Variants in SEL1L3 observed in about 807,000 individuals in gnomAD.
The protein encoded by SEL1L3 is protein sel-1 homolog 3.
SEL1L3 carries 76 observed loss-of-function variants against 142.8 expected under a neutral mutation model. The observed-to-expected ratio is 0.53, with a 90% CI of 0.44 to 0.64. The LOEUF (loss-of-function observed/expected upper bound fraction) is 0.64. Among genes scored for constraint, SEL1L3 ranks in the 30% least tolerant of loss-of-function variants. The pLI, the probability that SEL1L3 is intolerant of heterozygous loss-of-function variation, is 0.00. For synonymous variants in SEL1L3, 504 were observed against 519.6 expected (o/e 0.97, Z 0.41); for missense variants, 1,262 against 1,381.7 (o/e 0.91, Z 1.37).
chr4:25,789,309 G>C (rs920098599), intron 12 of SEL1L3, among the ~76,000 whole-genome samples: 2 of 152,164 alleles, frequency 1.3e-5, no homozygotes, highest in Non-Finnish European at 2.9e-5. Context: ...TCTTGGGCCA[G>C]GTGTGGTGGG....
rs117159511 is a variant in SEL1L3 at position 25,842,019 on chromosome 4, C to G, written c.733+5275G>C. ...CACTTTGACAGTGCCTGGCACATAG[C>G]AAATGTTCAGTAGCAGTAAGTGACT... On this transcript the variant is annotated intron_variant, in intron 2 of 23. Transcript: ENST00000399878. Among the ~76,000 whole-genome samples the G allele has an allele frequency of 2.3e-4, 35 of 152,202 alleles. No homozygotes were observed. In the East Asian group the frequency reaches 6.2e-3, roughly 27 times the overall value.
rs554507520 is a variant in SEL1L3, at chr4:25,847,832, G to T, written c.195C>A (p.Ser65=). The change falls in exon 2 of 24, where the codon TCC becomes TCA. Residue 65 remains serine (S), a synonymous_variant. Transcript: ENST00000399878. Reference sequence around the variant, plus strand: ...CTTTGGGTATCACTGATGTCGTCAGGGAAGTCTGCCTACCCAAAGATGGTA... The same window carrying T: ...CTTTGGGTATCACTGATGTCGTCAGTGAAGTCTGCCTACCCAAAGATGGTA... ...NVVPSLGRQT[S]LTTSVIPKAE... The T allele has an allele frequency of 3.6e-5, 57 of 1,586,848 alleles. No individual in the cohort carries two copies. Among genetic ancestry groups the T allele is most frequent in the Non-Finnish European group, 4.9e-5 (57 of 1,168,672 alleles).
At chr4:25,780,439 G>A (rs182434573) in intron 15 of SEL1L3, among the ~76,000 whole-genome samples, 125 of 151,952 alleles carry the variant, frequency 8.2e-4, no homozygotes, top group African/African-American at 2.8e-3. Context: ...CAGACTGGTC[G>A]GCTTCCTCCC....
intron 9 of SEL1L3, among the ~76,000 whole-genome samples, chr4:25,808,396 A>G (rs145862510): frequency 6.6e-6 from 1 of 152,176 alleles, no homozygotes; most frequent in Non-Finnish European, 1.5e-5. Flanking sequence ...GTAATATCAT[A>G]AGGTCACCGT....
chr4:25,750,193 T>A (rs1717496071), intron 23 of SEL1L3, among the ~76,000 whole-genome samples: 2 of 139,074 alleles, frequency 1.4e-5, no homozygotes, highest in African/African-American at 5.6e-5. Flanking sequence ...TGAGATCTTG[T>A]CACTGCACAC....
chr4:25,719,136 A>T, the SEL1L3 span: 2 of 152,236 alleles, frequency 1.3e-5, no homozygotes, highest in Admixed American at 6.5e-5. Context: ...AGATCGTGCC[A>T]CTGCCCTTCA....
At chr4:25,859,459 T>C (rs1219495479) in intron 1 of SEL1L3, among the ~76,000 whole-genome samples, 3 of 152,186 alleles carry the variant, frequency 2.0e-5, no homozygotes, top group Non-Finnish European at 4.4e-5. Context: ...TTTGAGCTGA[T>C]ACTGAAGGTT....
intron 2 of SEL1L3, among the ~76,000 whole-genome samples, chr4:25,845,382 G>A (rs1401618566): frequency 2.6e-5 from 4 of 152,272 alleles, no homozygotes; most frequent in East Asian, 1.9e-4. Flanking sequence ...CATGGTCCCC[G>A]CTACTCAGGA....
At chr4:25,735,998 A>G in the SEL1L3 span, among the ~76,000 whole-genome samples, 6 of 149,562 alleles carry the variant, frequency 4.0e-5, no homozygotes, top group Non-Finnish European at 3.0e-5. Context: ...CCTGGCTAAT[A>G]TTGTGTATTT....
At chr4:25,815,264 G>A (rs1714317455) in intron 9 of SEL1L3, among the ~76,000 whole-genome samples, 1 of 152,116 alleles carries the variant, frequency 6.6e-6, no homozygotes, top group African/African-American at 2.4e-5. Flanking sequence ...ATCCAGCTTT[G>A]GGTCCCCCTC....
intron 8 of SEL1L3, 65 bp downstream of exon 8, chr4:25,819,743 A>G: frequency 1.3e-6 from 2 of 1,494,332 alleles, no homozygotes; most frequent in Non-Finnish European, 1.8e-6. Context: ...GTTATGGAGA[A>G]GCCAAACATG....
At chr4:25,796,927 G>A (rs1347789788) in intron 11 of SEL1L3, among the ~76,000 whole-genome samples, 4 of 151,522 alleles carry the variant, frequency 2.6e-5, no homozygotes, top group Admixed American at 6.6e-5. Context: ...GACAGGGAAT[G>A]GAAGAGAGGT....
chr4:25,715,376 T>C, the SEL1L3 span, among the ~76,000 whole-genome samples: 672 of 152,196 alleles, frequency 4.4e-3, 7 homozygotes, highest in African/African-American at 0.015. Context: ...AAAAACTACA[T>C]TGAGATCCCA....
At chr4:25,738,858 G>C in the SEL1L3 span, among the ~76,000 whole-genome samples, 1 of 152,288 alleles carries the variant, frequency 6.6e-6, no homozygotes, top group African/African-American at 2.4e-5. Context: ...GTTTAGATGA[G>C]TTGTTCTTAA....
chr4:25,845,451 G>A (rs1426681567), intron 2 of SEL1L3, among the ~76,000 whole-genome samples: 3 of 152,154 alleles, frequency 2.0e-5, no homozygotes, highest in Non-Finnish European at 4.4e-5. Context: ...AGTTATGATC[G>A]TGCCACTGCA....
intron 1 of SEL1L3, among the ~76,000 whole-genome samples, chr4:25,851,750 G>T (rs190586900): frequency 7.2e-5 from 11 of 151,890 alleles, no homozygotes; most frequent in African/African-American, 2.7e-4. Context: ...TTAACCGGGC[G>T]TGGTGGCACA....
chr4:25,792,379 T>A (rs1022621026), intron 11 of SEL1L3, among the ~76,000 whole-genome samples: 1 of 152,192 alleles, frequency 6.6e-6, no homozygotes, highest in Admixed American at 6.5e-5. Flanking sequence ...GGCGCTCCCA[T>A]GGGATGTCGC....
intron 1 of SEL1L3, among the ~76,000 whole-genome samples, chr4:25,853,417 G>GTA (rs1241299292): frequency 6.6e-6 from 1 of 151,992 alleles, no homozygotes; most frequent in African/African-American, 2.4e-5. Context: ...AGGTATATAG[G>GTA]TGTTAGACAT....
intron 20 of SEL1L3, 62 bp downstream of exon 20, chr4:25,765,264 G>A: frequency 8.8e-7 from 1 of 1,140,518 alleles, no homozygotes; most frequent in South Asian, 1.2e-5. Context: ...AAAGGGCTGG[G>A]ATTACAGGCA....
Sources: gnomAD v4.1 joint callset for allele counts (sites outside exome capture counted in the v4.1 genomes callset) on GRCh38, gnomAD v4.1.1 for gene constraint, MANE v1.5 for transcripts, NCBI Gene and HGNC (gene_info 2026-07-23, HGNC 2026-07-21) for gene names.